THRB: variants seen among roughly 807,000 people sequenced by gnomAD.
The protein encoded by THRB is nuclear receptor subfamily 1 group A member 2.
In THRB, 12 loss-of-function variants were observed where a neutral mutation model predicts 47.8. That is an observed-to-expected ratio of 0.25 (90% CI 0.16 to 0.41). THRB has a LOEUF of 0.41. THRB is among the 10% of genes least tolerant of loss of function. The probability of loss-of-function intolerance (pLI) is 1.00; values close to 1 mark genes in which losing one functional copy is unlikely to be tolerated. For missense variants in THRB, 348 were observed against 589.2 expected (o/e 0.59, Z 4.24); for synonymous variants, 218 against 212.2 (o/e 1.03, Z -0.24).
At chr3:24,449,528 G>A (rs1274599618) in intron 1 of THRB, among the ~76,000 whole-genome samples, 2 of 152,172 alleles carry the variant, frequency 1.3e-5, no homozygotes, top group Non-Finnish European at 2.9e-5. Flanking sequence ...CTTATTAATA[G>A]ACCAACATTT....
intron 4 of THRB, among the ~76,000 whole-genome samples, chr3:24,208,180 C>T (rs982581790): frequency 4.0e-5 from 6 of 151,284 alleles, no homozygotes; most frequent in South Asian, 4.2e-4. Context: ...CAAACCATTG[C>T]TCAACAAAAA....
At chr3:24,125,726 C>T (rs111589413) in intron 10 of THRB, among the ~76,000 whole-genome samples, 4 of 152,154 alleles carry the variant, frequency 2.6e-5, no homozygotes, top group African/African-American at 7.2e-5. Context: ...CCCCACATGG[C>T]GGTTTACTTC....
At chr3:24,270,273 G>A (rs1216144274) in intron 3 of THRB, among the ~76,000 whole-genome samples, 2 of 152,170 alleles carry the variant, frequency 1.3e-5, no homozygotes, top group African/African-American at 4.8e-5. Flanking sequence ...ACTGGACAGG[G>A]TGCAATTTTA....
intron 2 of THRB, among the ~76,000 whole-genome samples, chr3:24,304,284 C>T (rs181208042): frequency 8.9e-4 from 135 of 152,014 alleles, no homozygotes; most frequent in Middle Eastern, 3.5e-3. Context: ...ATATAAATCA[C>T]AAGGTTAAAA....
chr3:24,189,482 T>A (rs1299190056), intron 5 of THRB, among the ~76,000 whole-genome samples: 2 of 151,928 alleles, frequency 1.3e-5, no homozygotes, highest in Non-Finnish European at 2.9e-5. Context: ...TAAAGAACAG[T>A]TAAATCTAAT....
chr3:24,411,075 T>C (rs530875577), intron 1 of THRB, among the ~76,000 whole-genome samples: 2 of 151,946 alleles, frequency 1.3e-5, no homozygotes, highest in Admixed American at 6.6e-5. Flanking sequence ...GGGTTAGCAG[T>C]GCAGTCTGCT....
intron 3 of THRB, among the ~76,000 whole-genome samples, chr3:24,281,113 G>A (rs941163969): frequency 1.3e-5 from 2 of 152,048 alleles, no homozygotes; most frequent in African/African-American, 4.8e-5. Context: ...CTCGAGAAGA[G>A]CAACACCAAG....
intron 6 of THRB, among the ~76,000 whole-genome samples, chr3:24,151,366 G>T (rs908746982): frequency 2.0e-5 from 3 of 152,154 alleles, no homozygotes; most frequent in Admixed American, 2.0e-4. Flanking sequence ...TGAACAAAGC[G>T]GGGCAGTTGG....
intron 1 of THRB, among the ~76,000 whole-genome samples, chr3:24,489,194 G>T (rs1457218824): frequency 6.6e-6 from 1 of 151,652 alleles, no homozygotes; most frequent in East Asian, 1.9e-4. Flanking sequence ...GTGAGCCGAG[G>T]TTGCACCACT....
intron 3 of THRB, among the ~76,000 whole-genome samples, chr3:24,295,091 G>C (rs1032751575): frequency 6.6e-6 from 1 of 152,154 alleles, no homozygotes; most frequent in Non-Finnish European, 1.5e-5. Context: ...GCTGTCCTAG[G>C]TCTGAAAACT....
In THRB at chr3:24,481,229, G is replaced by GTTTTTTTTTTTTTTT. The variant is rs746323691; in HGVS notation, c.-261+13408_-261+13422dup. Among the ~76,000 whole-genome samples, 30 of 55,364 alleles carry GTTTTTTTTTTTTTTT rather than the reference G, an allele frequency of 5.4e-4. 2 individuals carry two copies. The highest frequency in any genetic ancestry group is 2.1e-3 in the African/African-American group (28 of 13,074). The allele number at this position is 55,364 out of a possible 152,430, so 36.3% of individuals were successfully genotyped here. Reference sequence around the variant, plus strand: ...TATATGTGTGGATGCGTTTCTTTCTGTTTTTTTTTTTTTTTTTTTTTTTTT... The same window carrying GTTTTTTTTTTTTTTT: ...TATATGTGTGGATGCGTTTCTTTCTGTTTTTTTTTTTTTTTTTTTTTTTTTTTTTTTTTTTTTTTT... On this transcript the variant is annotated intron_variant, in intron 1 of 10. Coordinates refer to ENST00000646209, the MANE Select transcript of THRB (RefSeq NM_001354712.2).
intron 1 of THRB, among the ~76,000 whole-genome samples, chr3:24,472,845 C>T (rs891042898): frequency 3.9e-5 from 6 of 152,070 alleles, no homozygotes; most frequent in Non-Finnish European, 5.9e-5. Flanking sequence ...AACACAGGCT[C>T]GGGAGACCTT....
At chr3:24,219,251 G>A (rs546868907) in intron 4 of THRB, among the ~76,000 whole-genome samples, 3 of 152,172 alleles carry the variant, frequency 2.0e-5, no homozygotes, top group Non-Finnish European at 2.9e-5. Context: ...GCAGTAAGCT[G>A]TGATCACACC....
intron 1 of THRB, among the ~76,000 whole-genome samples, chr3:24,340,839 C>A (rs1378578629): frequency 6.6e-6 from 1 of 152,168 alleles, no homozygotes; most frequent in Admixed American, 6.5e-5. Context: ...TATTTGATAG[C>A]AGATAAATGG....
chr3:24,481,206 TA>T, intron 1 of THRB, among the ~76,000 whole-genome samples: 1 of 151,188 alleles, frequency 6.6e-6, no homozygotes, highest in Middle Eastern at 3.4e-3. Context: ...TCAGTTTTTA[TA>T]TGTGTGGATG....
At chr3:24,123,250 G>T in intron 10 of THRB, 125 bp from the exon 11 acceptor site, 1 of 1,407,882 alleles carries the variant, frequency 7.1e-7, no homozygotes, top group Non-Finnish European at 9.9e-7. Context: ...CCATGAGCAT[G>T]GATGCAGCGT....
At chr3:24,180,393 A>T (rs2149458546) in intron 5 of THRB, among the ~76,000 whole-genome samples, 1 of 152,358 alleles carries the variant, frequency 6.6e-6, no homozygotes, top group Middle Eastern at 3.4e-3. Context: ...TTTATCATAT[A>T]GACAATTGAG....
intron 4 of THRB, among the ~76,000 whole-genome samples, chr3:24,201,688 T>C (rs1178636564): frequency 6.6e-6 from 1 of 152,184 alleles, no homozygotes; most frequent in Non-Finnish European, 1.5e-5. Flanking sequence ...AGTTGATGAA[T>C]TGTAGGTTAG....
chr3:24,448,669 CAT>C (rs2125498838), intron 1 of THRB, among the ~76,000 whole-genome samples: 1 of 152,276 alleles, frequency 6.6e-6, no homozygotes, highest in South Asian at 2.1e-4. Context: ...TATTACAAAA[CAT>C]ATAAAAATAT....
Sources: allele counts gnomAD v4.1 joint callset (sites outside exome capture counted in the v4.1 genomes callset), GRCh38; gene constraint gnomAD v4.1.1; transcripts MANE v1.5; gene names NCBI Gene and HGNC (gene_info 2026-07-23, HGNC 2026-07-21).